The following APBB2 variants were observed in gnomAD, a reference collection of about 807,000 sequenced individuals.
The protein encoded by APBB2 is amyloid beta precursor protein binding family B member 2.
APBB2 carries 38 observed loss-of-function variants against 82.5 expected under a neutral mutation model. That is an observed-to-expected ratio of 0.46 (90% confidence interval 0.36 to 0.60). The LOEUF (loss-of-function observed/expected upper bound fraction) is 0.60. APBB2 is among the 20% of genes least tolerant of loss of function. APBB2 has a pLI of 0.00. For synonymous variants in APBB2, 341 were observed against 368.2 expected (o/e 0.93, Z 0.85); for missense variants, 772 against 972.3 (o/e 0.79, Z 2.74).
intron 6 of APBB2, among the ~76,000 whole-genome samples, chr4:40,975,753 AACACACACACACACACAC>A (rs368424451): frequency 4.9e-5 from 7 of 142,096 alleles, no homozygotes; most frequent in Non-Finnish European, 7.6e-5. Context: ...GTAGTAAGAA[AACACACACACACACACAC>A]ACACACACAC....
chr4:40,989,228 G>A (rs1304447001), intron 6 of APBB2, among the ~76,000 whole-genome samples: 1 of 152,078 alleles, frequency 6.6e-6, no homozygotes, highest in African/African-American at 2.4e-5. Flanking sequence ...ACTTTTCAGT[G>A]GCTTGGTGGC....
intron 6 of APBB2, among the ~76,000 whole-genome samples, chr4:40,984,879 C>A (rs1273112585): frequency 6.6e-6 from 1 of 151,912 alleles, no homozygotes; most frequent in Non-Finnish European, 1.5e-5. Context: ...TGGTGAACAC[C>A]GTATTTAGCA....
intron 2 of APBB2, among the ~76,000 whole-genome samples, chr4:41,107,903 G>A (rs993754625): frequency 6.6e-6 from 1 of 152,166 alleles, no homozygotes; most frequent in Non-Finnish European, 1.5e-5. Flanking sequence ...ATGAATGACT[G>A]TTGACTCATC....
At chr4:40,881,534 C>A (rs73242091) in intron 12 of APBB2, 4 of 143,114 alleles carry the variant, frequency 2.8e-5, no homozygotes, top group Non-Finnish European at 4.9e-5. Context: ...TTTTCTTTTT[C>A]TTTTTTTTTT....
At chr4:40,958,799 T>A (rs1000395950) in intron 6 of APBB2, among the ~76,000 whole-genome samples, 5 of 152,078 alleles carry the variant, frequency 3.3e-5, no homozygotes, top group African/African-American at 1.2e-4. Flanking sequence ...AGAGATGGGG[T>A]CTCATTATGC....
At chr4:41,132,852 G>C (rs1756450861) in intron 2 of APBB2, among the ~76,000 whole-genome samples, 1 of 151,728 alleles carries the variant, frequency 6.6e-6, no homozygotes. Flanking sequence ...AAAACACTTA[G>C]TAAGGTTTTA....
intron 6 of APBB2, among the ~76,000 whole-genome samples, chr4:41,006,870 T>A (rs893283295): frequency 6.6e-6 from 1 of 152,164 alleles, no homozygotes; most frequent in African/African-American, 2.4e-5. Context: ...TTTCTAAAAG[T>A]GTGAAAAATA....
chr4:41,010,540 TGTACATTTCAAGA>T (rs927938364), intron 6 of APBB2, among the ~76,000 whole-genome samples: 1 of 152,094 alleles, frequency 6.6e-6, no homozygotes, highest in African/African-American at 2.4e-5. Flanking sequence ...GGAGTTAACG[TGTACATTTCAAGA>T]GTCCCAGTAG....
At chr4:40,994,336 G>A (rs2154415038) in intron 6 of APBB2, among the ~76,000 whole-genome samples, 1 of 151,588 alleles carries the variant, frequency 6.6e-6, no homozygotes, top group Non-Finnish European at 1.5e-5. Context: ...CAGACTACAG[G>A]CCAAACTTAC....
intron 4 of APBB2, among the ~76,000 whole-genome samples, chr4:41,035,684 AT>A (rs1297058230): frequency 1.3e-5 from 2 of 152,198 alleles, no homozygotes; most frequent in Non-Finnish European, 2.9e-5. Flanking sequence ...GGCCCTCCGT[AT>A]CCTCGGGTTC....
intron 12 of APBB2, among the ~76,000 whole-genome samples, chr4:40,859,865 C>T (rs1316336226): frequency 6.6e-6 from 1 of 152,182 alleles, no homozygotes; most frequent in Non-Finnish European, 1.5e-5. Flanking sequence ...AGCCTTTGCA[C>T]TGACTGTGAC....
chr4:40,995,231 G>A (rs550750472), intron 6 of APBB2, among the ~76,000 whole-genome samples: 1 of 152,316 alleles, frequency 6.6e-6, no homozygotes, highest in East Asian at 1.9e-4. Flanking sequence ...TTGAGAATGT[G>A]CACTGAACAT....
At chr4:40,864,341 T>G (rs1244782561) in intron 12 of APBB2, among the ~76,000 whole-genome samples, 1 of 152,082 alleles carries the variant, frequency 6.6e-6, no homozygotes, top group Non-Finnish European at 1.5e-5. Flanking sequence ...TAACGTATAT[T>G]TGTAAAAGAA....
rs569958134 is a variant in APBB2, at chr4:40,810,933, A to G, written c.*5159T>C. On this transcript the variant is annotated 3_prime_UTR_variant, in exon 18 of 18. Coordinates refer to ENST00000508593, the MANE Select transcript of APBB2 (RefSeq NM_004307.2). Reference sequence around the variant, plus strand: ...CCTTATCCTTTTCGGGCCCTCCACCATACCAGACTGAAAAGTATTCCATTG... The same window carrying G: ...CCTTATCCTTTTCGGGCCCTCCACCGTACCAGACTGAAAAGTATTCCATTG... 2.9e-4 allele frequency: 44 copies of G among 152,310 alleles called. 1 individual carries two copies. Among genetic ancestry groups the G allele is most frequent in the Admixed American group, 1.0e-3 (16 of 15,306 alleles). The allele number at this position is 152,310 out of a possible 1,614,324, so 9.4% of individuals were successfully genotyped here.
At chr4:41,162,068 T>C (rs898258131) in intron 1 of APBB2, among the ~76,000 whole-genome samples, 4 of 152,138 alleles carry the variant, frequency 2.6e-5, no homozygotes, top group African/African-American at 4.8e-5. Flanking sequence ...TATTTCAGCA[T>C]ATATCTCTTA....
chr4:40,883,850 AT>A, intron 12 of APBB2, among the ~76,000 whole-genome samples: 1 of 152,278 alleles, frequency 6.6e-6, no homozygotes, highest in South Asian at 2.1e-4. Context: ...GAGTTCCCAT[AT>A]CTGGGTCCCC....
At position 40,821,788 on chromosome 4, in the gene APBB2, G is replaced by C. The variant is rs560933736; in HGVS notation, c.2112+83C>G. The C allele has an allele frequency of 1.9e-3, 2,758 of 1,487,156 alleles. 8 individuals carry two copies. Among genetic ancestry groups the C allele is most frequent in the Non-Finnish European group, 2.2e-3 (2,439 of 1,097,716 alleles). 92.1% of individuals were successfully genotyped at this position (1,487,156 alleles called of 1,614,324 possible). A position where few individuals can be genotyped will look rare whatever the true frequency, so the allele number is the denominator to read the frequency against. ...TAGGGATTCGACTTTTTTCATTTCC[G>C]TGAGTGATTCTGCTATAATGTATGG... On this transcript the variant is annotated intron_variant, in intron 17 of 17. Coordinates refer to ENST00000508593, the MANE Select transcript of APBB2 (RefSeq NM_004307.2).
At chr4:40,938,548 A>G (rs761569211) in intron 7 of APBB2, among the ~76,000 whole-genome samples, 1 of 152,186 alleles carries the variant, frequency 6.6e-6, no homozygotes, top group Admixed American at 6.5e-5. Context: ...AAAAAGGCCA[A>G]CAATGGAGTT....
chr4:41,016,090 A>G (rs959627945), intron 5 of APBB2, among the ~76,000 whole-genome samples: 6 of 152,220 alleles, frequency 3.9e-5, no homozygotes, highest in Non-Finnish European at 8.8e-5. Flanking sequence ...TATCCAGAGC[A>G]TAGATACATG....
Sources: gnomAD v4.1 joint callset for allele counts (sites outside exome capture counted in the v4.1 genomes callset) on GRCh38, gnomAD v4.1.1 for gene constraint, MANE v1.5 for transcripts, NCBI Gene and HGNC (gene_info 2026-07-23, HGNC 2026-07-21) for gene names.